The following TMEM72 variants were observed in gnomAD, a reference collection of about 807,000 sequenced individuals.
TMEM72 encodes the protein transmembrane protein 72.
TMEM72 carries 9 observed loss-of-function variants against 16.3 expected under a neutral mutation model. That is an observed-to-expected ratio of 0.55 (90% CI 0.33 to 0.96). The LOEUF (loss-of-function observed/expected upper bound fraction) is 0.96, where lower values mean the gene tolerates loss of function less well. Ranked by LOEUF, TMEM72 falls within the 40% of genes least tolerant of loss-of-function variation. The pLI is 0.03. For missense variants in TMEM72, 324 were observed against 337.8 expected, an observed-to-expected ratio of 0.96 and a Z score of 0.32; for synonymous variants, 160 against 146.5, an observed-to-expected ratio of 1.09 and a Z score of -0.66.
chr10:44,934,155 G>T (rs1335482491), intron 4 of TMEM72, among the ~76,000 whole-genome samples: 1 of 152,122 alleles, frequency 6.6e-6, no homozygotes, highest in Non-Finnish European at 1.5e-5. Context: ...AAACTCCTCA[G>T]CCTGGTTTGA....
chr10:44,912,138 C>G (rs73277468), intron 1 of TMEM72, among the ~76,000 whole-genome samples: 1 of 152,194 alleles, frequency 6.6e-6, no homozygotes, highest in East Asian at 1.9e-4. Context: ...CCTGTAGGAA[C>G]CCAGACCCCT....
At chr10:44,915,965 T>C (rs1840007994) in intron 1 of TMEM72, among the ~76,000 whole-genome samples, 1 of 152,114 alleles carries the variant, frequency 6.6e-6, no homozygotes, top group South Asian at 2.1e-4. Context: ...CTGCATGCAT[T>C]ATGGTCATTG....
At position 44,935,297 on chromosome 10, in the gene TMEM72, T is replaced by A. The variant is rs1378391191; in HGVS notation, c.*163T>A. 4.7e-6 allele frequency: 3 copies of A among 642,668 alleles called. No homozygotes were observed. Among genetic ancestry groups the A allele is most frequent in the Non-Finnish European group, 7.6e-6 (3 of 396,890 alleles). 39.8% of individuals were successfully genotyped at this position (642,668 alleles called of 1,614,324 possible). A position where few individuals can be genotyped will look rare whatever the true frequency, so the allele number is the denominator to read the frequency against. ...ATCAGGAGGTGTGACTGGCCAGCAT[T>A]TCTGGAGAGGCCTCGAGGGAGGCAC... is the stretch of plus-strand genomic sequence containing the variant. On this transcript the variant is annotated 3_prime_UTR_variant, in exon 5 of 5. Coordinates refer to ENST00000389583, the MANE Select transcript of TMEM72 (RefSeq NM_001123376.3).
intron 3 of TMEM72, among the ~76,000 whole-genome samples, chr10:44,932,969 A>C (rs1840327250): frequency 6.6e-6 from 1 of 152,156 alleles, no homozygotes; most frequent in Non-Finnish European, 1.5e-5. Context: ...TCAAAGCTAG[A>C]GGGGCAGGAT....
intron 3 of TMEM72, 113 bp from the exon 4 acceptor site, chr10:44,933,524 A>G: frequency 7.1e-7 from 1 of 1,402,200 alleles, no homozygotes; most frequent in Non-Finnish European, 9.6e-7. Flanking sequence ...CTGTTCAGCC[A>G]GGGCCCACTG....
chr10:44,935,218 T>G lies in TMEM72; in HGVS notation c.*84T>G. 7.2e-7 allele frequency: 1 copy of G among 1,383,554 alleles called. No homozygotes were observed. The highest frequency in any genetic ancestry group is 9.7e-7 in the Non-Finnish European group (1 of 1,026,508). 85.7% of individuals were successfully genotyped at this position (1,383,554 alleles called of 1,614,324 possible). A position where few individuals can be genotyped will look rare whatever the true frequency, so the allele number is the denominator to read the frequency against. Reference sequence around the variant, plus strand: ...CCTGGAGTTTCAGGGTCTTCTCTGGTCAGCTTTTCAAGGGGTAACCAGACA... The same window carrying G: ...CCTGGAGTTTCAGGGTCTTCTCTGGGCAGCTTTTCAAGGGGTAACCAGACA... On this transcript the variant is annotated 3_prime_UTR_variant, in exon 5 of 5. Coordinates refer to ENST00000389583, the MANE Select transcript of TMEM72 (RefSeq NM_001123376.3).
At chr10:44,917,998 G>A (rs1166611849) in intron 1 of TMEM72, among the ~76,000 whole-genome samples, 1 of 152,208 alleles carries the variant, frequency 6.6e-6, no homozygotes, top group African/African-American at 2.4e-5. Context: ...AGAGTTCCAT[G>A]TGGCTGAGGA....
At chr10:44,929,475 A>T (rs1840259396) in intron 2 of TMEM72, among the ~76,000 whole-genome samples, 1 of 152,062 alleles carries the variant, frequency 6.6e-6, no homozygotes, top group Non-Finnish European at 1.5e-5. Context: ...CCCCCTCCTC[A>T]GGATCCACCT....
At position 44,935,073 on chromosome 10, in the gene TMEM72, T is replaced by A; in HGVS notation, c.767T>A (p.Ile256Asn). ...GAGACCACCTCTGACACGACACCCA[T>A]CATTCCCCCTCCCCAGGCCCCACTC... ...PEETTSDTTP[I>N]IPPPQAPLFL... The change falls in exon 5 of 5, where the codon ATC becomes AAC. Residue 256 changes from isoleucine (I) to asparagine (N), a missense_variant. By Grantham distance (149) the Ile-to-Asn change is moderately radical (BLOSUM62 -3). Coordinates refer to ENST00000389583, the MANE Select transcript of TMEM72 (RefSeq NM_001123376.3). 1 of 1,612,922 alleles carries A rather than the reference T, an allele frequency of 6.2e-7. No individual in the cohort carries two copies. The highest frequency in any genetic ancestry group is 8.5e-7 in the Non-Finnish European group (1 of 1,179,542).
chr10:44,921,340 AG>A (rs2132716581), intron 1 of TMEM72, among the ~76,000 whole-genome samples: 1 of 152,068 alleles, frequency 6.6e-6, no homozygotes, highest in Admixed American at 6.5e-5. Flanking sequence ...GATAATAGGG[AG>A]GGATGGAAGG....
At chr10:44,919,268 G>A (rs931473472) in intron 1 of TMEM72, among the ~76,000 whole-genome samples, 12 of 152,130 alleles carry the variant, frequency 7.9e-5, no homozygotes, top group East Asian at 3.8e-4. Flanking sequence ...ACTCTACCAC[G>A]TCCAGTCAGC....
At chr10:44,921,976 G>C (rs970391582) in intron 1 of TMEM72, among the ~76,000 whole-genome samples, 2 of 152,172 alleles carry the variant, frequency 1.3e-5, no homozygotes, top group African/African-American at 4.8e-5. Context: ...TTAATTTAAT[G>C]GCAAATATCT....
chr10:44,911,828 C>T (rs1000178908), intron 1 of TMEM72, among the ~76,000 whole-genome samples: 1 of 152,210 alleles, frequency 6.6e-6, no homozygotes, highest in Non-Finnish European at 1.5e-5. Flanking sequence ...TCCCTGTGAC[C>T]TTGGGAAGCC....
chr10:44,912,579 A>G (rs1439610730), intron 1 of TMEM72, among the ~76,000 whole-genome samples: 1 of 152,198 alleles, frequency 6.6e-6, no homozygotes, highest in Non-Finnish European at 1.5e-5. Flanking sequence ...CTTGCGTGAT[A>G]TATGACCTTG....
In TMEM72 at chr10:44,918,714, G is replaced by C. The variant is rs552101960; in HGVS notation, c.70+7132G>C. On this transcript the variant is annotated intron_variant, in intron 1 of 4. Coordinates refer to ENST00000389583, the MANE Select transcript of TMEM72 (RefSeq NM_001123376.3). The stretch of plus-strand genomic sequence containing the variant: ...ACCATGTGTTATGGACTAAATGTTT[G>C]TGTCCCCCCAGCCAAATTCATATGT... Among the ~76,000 whole-genome samples the C allele has an allele frequency of 9.2e-5, 14 of 152,224 alleles. No homozygotes were observed. In the South Asian group the frequency reaches 2.9e-3, roughly 32 times the overall value.
chr10:44,933,495 C>A, intron 3 of TMEM72, 142 bp from the exon 4 acceptor site: 1 of 1,162,572 alleles, frequency 8.6e-7, no homozygotes, highest in Non-Finnish European at 1.2e-6. Context: ...GAACCCACAC[C>A]AAGGACCGCT....
rs1357807135 is a variant in TMEM72, at chr10:44,928,908, T to C, written c.137+921T>C. Among the ~76,000 whole-genome samples, 6 of 152,344 alleles carry C rather than the reference T, an allele frequency of 3.9e-5. No homozygotes were observed. In the East Asian group the frequency reaches 7.7e-4, roughly 20 times the overall value. On this transcript the variant is annotated intron_variant, in intron 2 of 4. Transcript: ENST00000389583. ...CAATCATTTATTTATTCAGCAAATA[T>C]TAATTGAGCTCTTGTTTAGAGAATG... is the stretch of plus-strand genomic sequence containing the variant.
At position 44,935,606 on chromosome 10, in the gene TMEM72, G is replaced by A. The variant is rs2132735121; in HGVS notation, c.*472G>A. On this transcript the variant is annotated 3_prime_UTR_variant, in exon 5 of 5. Transcript: ENST00000389583. Reference sequence around the variant, plus strand: ...ACTTAAGCATCTCTAAGGCAGAGAAGGTGGCTGTGGGTCTTGACCAACCAA... The same window carrying A: ...ACTTAAGCATCTCTAAGGCAGAGAAAGTGGCTGTGGGTCTTGACCAACCAA... The A allele has an allele frequency of 6.5e-6, 1 of 154,174 alleles. No homozygotes were observed. Among genetic ancestry groups the A allele is most frequent in the South Asian group, 2.1e-4 (1 of 4,846 alleles). The allele number at this position is 154,174 out of a possible 1,614,324, so 9.6% of individuals were successfully genotyped here.
At chr10:44,934,226 A>AT (rs72507006) in intron 4 of TMEM72, among the ~76,000 whole-genome samples, 1 of 54,888 alleles carries the variant, frequency 1.8e-5, no homozygotes, top group Non-Finnish European at 3.7e-5. Flanking sequence ...CTTCCACTTC[A>AT]CGGGTGCATA....
Sources: allele counts gnomAD v4.1 joint callset (sites outside exome capture counted in the v4.1 genomes callset), GRCh38; gene constraint gnomAD v4.1.1; transcripts MANE v1.5; gene names NCBI Gene and HGNC (gene_info 2026-07-23, HGNC 2026-07-21).